Variants in FCHO2 observed in about 807,000 individuals in gnomAD.
FCHO2 encodes the protein F-BAR domain only protein 2.
Under a neutral mutation model 114.1 loss-of-function variants are expected in FCHO2, and 43 were observed. The observed-to-expected ratio is 0.38, with a 90% CI of 0.30 to 0.49. The LOEUF is 0.49. FCHO2 is among the 20% of genes least tolerant of loss of function. The pLI, the probability that FCHO2 is intolerant of heterozygous loss-of-function variation, is 0.97. For synonymous variants in FCHO2, 293 were observed against 315.2 expected (o/e 0.93, Z 0.75); for missense variants, 807 against 950.4 (o/e 0.85, Z 1.98).
At chr5:73,035,279 TGTG>T (rs1756442748) in intron 9 of FCHO2, among the ~76,000 whole-genome samples, 1 of 151,912 alleles carries the variant, frequency 6.6e-6, no homozygotes, top group Non-Finnish European at 1.5e-5. Flanking sequence ...AATTAGCAGG[TGTG>T]GTGGTGTGCA....
At chr5:73,065,101 A>G (rs1758002932) in intron 18 of FCHO2, among the ~76,000 whole-genome samples, 1 of 151,972 alleles carries the variant, frequency 6.6e-6, no homozygotes, top group Non-Finnish European at 1.5e-5. Flanking sequence ...TTCGGCACCA[A>G]GTATTGAAAT....
At chr5:73,040,141 A>T (rs564646375) in intron 10 of FCHO2, among the ~76,000 whole-genome samples, 1 of 152,252 alleles carries the variant, frequency 6.6e-6, no homozygotes, top group East Asian at 1.9e-4. Flanking sequence ...ATTTGGATAA[A>T]TGGCGTTTAT....
intron 17 of FCHO2, among the ~76,000 whole-genome samples, chr5:73,063,076 T>A (rs1757923243): frequency 6.6e-6 from 1 of 152,074 alleles, no homozygotes; most frequent in African/African-American, 2.4e-5. Context: ...ACTTCCATTT[T>A]TTTTACTCCT....
intron 8 of FCHO2, 166 bp from the exon 9 acceptor site, chr5:73,034,491 G>T: frequency 2.1e-6 from 1 of 483,960 alleles, no homozygotes; most frequent in Non-Finnish European, 3.6e-6. Context: ...AAAATTTATT[G>T]CTGATATTTT....
At position 72,956,061 on chromosome 5, in the gene FCHO2, G is replaced by A. The variant is rs1162254628; in HGVS notation, c.-36G>A. On this transcript the variant is annotated 5_prime_UTR_variant, in exon 1 of 26. Coordinates refer to ENST00000430046, the MANE Select transcript of FCHO2 (RefSeq NM_138782.3). The stretch of plus-strand genomic sequence containing the variant: ...GGGCCGTGTTTACACAGCGGCGGGC[G>A]GGCGCGGACGCGGAACCCGGCGCGG... The A allele has an allele frequency of 3.2e-6, 5 of 1,538,878 alleles. No individual in the cohort carries two copies. The highest frequency in any genetic ancestry group is 4.4e-6 in the Non-Finnish European group (5 of 1,141,874).
chr5:72,964,375 AC>A lies in FCHO2; in HGVS notation c.34-4122del, dbSNP rs376851133. ...TCAAATCGTTCTGACTGCCTATTCT[AC>A]ATACTTTATTTCATTTTTATTTATT... On this transcript the variant is annotated intron_variant, in intron 1 of 25. Transcript: ENST00000430046. Among the ~76,000 whole-genome samples the A allele has an allele frequency of 4.2e-3, 646 of 152,236 alleles. 5 individuals are homozygous for A. The highest frequency in any genetic ancestry group is 0.015 in the African/African-American group (624 of 41,546).
At chr5:73,042,955 G>T (rs568152642) in intron 11 of FCHO2, among the ~76,000 whole-genome samples, 433 of 152,254 alleles carry the variant, frequency 2.8e-3, no homozygotes, top group Non-Finnish European at 5.0e-3. Flanking sequence ...TGGAAACAAG[G>T]TCTCACTCTG....
chr5:72,999,616 CAGGTGATAT>C (rs1248824355), intron 5 of FCHO2, among the ~76,000 whole-genome samples: 1 of 151,828 alleles, frequency 6.6e-6, no homozygotes, highest in Non-Finnish European at 1.5e-5. Flanking sequence ...CTTCTGACCT[CAGGTGATAT>C]GCCCGTCTCA....
chr5:73,044,773 C>T (rs1450073994), intron 11 of FCHO2, among the ~76,000 whole-genome samples: 1 of 151,494 alleles, frequency 6.6e-6, no homozygotes, highest in Non-Finnish European at 1.5e-5. Context: ...GAGCTCCATT[C>T]TGGTATATAT....
chr5:73,058,619 A>G (rs1757711193), intron 17 of FCHO2, 95 bp downstream of exon 17: 1 of 498,962 alleles, frequency 2.0e-6, no homozygotes, highest in Non-Finnish European at 3.2e-6. Flanking sequence ...TTAATGATCA[A>G]AATTTCTAAA....
chr5:72,999,819 T>C (rs1170041357), intron 5 of FCHO2, among the ~76,000 whole-genome samples: 2 of 152,160 alleles, frequency 1.3e-5, no homozygotes, highest in Non-Finnish European at 2.9e-5. Flanking sequence ...ATGTTTTTGG[T>C]AGTATATTAA....
intron 16 of FCHO2, among the ~76,000 whole-genome samples, chr5:73,057,856 A>G (rs1757669054): frequency 6.6e-6 from 1 of 152,148 alleles, no homozygotes; most frequent in African/African-American, 2.4e-5. Context: ...GGTTGAATCT[A>G]ACAAGGCATG....
chr5:72,963,849 C>T (rs895045356), intron 1 of FCHO2, among the ~76,000 whole-genome samples: 1 of 150,454 alleles, frequency 6.6e-6, no homozygotes, highest in Admixed American at 6.6e-5. Context: ...CCACACCTGG[C>T]CAGATAGGCT....
At chr5:72,967,226 A>G (rs1752251311) in intron 1 of FCHO2, among the ~76,000 whole-genome samples, 1 of 152,212 alleles carries the variant, frequency 6.6e-6, no homozygotes, top group African/African-American at 2.4e-5. Context: ...GGGAGGTAGC[A>G]GTGAGCCATA....
chr5:72,990,371 A>T, intron 3 of FCHO2, 107 bp from the exon 4 acceptor site: 2 of 798,256 alleles, frequency 2.5e-6, no homozygotes, highest in Non-Finnish European at 3.8e-6. Flanking sequence ...CTTTTGCCTA[A>T]ATAAAGTTGC....
intron 19 of FCHO2, 24 bp downstream of exon 19, chr5:73,068,803 T>C: frequency 6.8e-6 from 11 of 1,608,730 alleles, no homozygotes; most frequent in Non-Finnish European, 9.3e-6. Context: ...ATCAATTACA[T>C]GTGAAATGTA....
intron 10 of FCHO2, among the ~76,000 whole-genome samples, chr5:73,039,395 C>CT (rs1048405631): frequency 1.3e-5 from 2 of 152,108 alleles, no homozygotes; most frequent in Non-Finnish European, 2.9e-5. Flanking sequence ...CTCTTTGGAA[C>CT]TTTAACACTT....
chr5:73,041,360 T>A, intron 11 of FCHO2, 45 bp downstream of exon 11: 1 of 1,233,476 alleles, frequency 8.1e-7, no homozygotes, highest in South Asian at 1.3e-5. Context: ...ATTAGTTATT[T>A]TCATTAGGAC....
At position 73,088,496 on chromosome 5, in the gene FCHO2, A is replaced by T. The variant is rs115320514; in HGVS notation, c.*406A>T. The T allele has an allele frequency of 3.0e-3, 533 of 180,352 alleles. 2 individuals carry two copies. The highest frequency in any genetic ancestry group is 0.027 in the Middle Eastern group (10 of 372). 11.2% of individuals were successfully genotyped at this position (180,352 alleles called of 1,614,324 possible). A position where few individuals can be genotyped will look rare whatever the true frequency, so the allele number is the denominator to read the frequency against. Reference sequence around the variant, plus strand: ...GAGTCAGAGATAACTTTGAAATTTCATAAGTTTGATATTCAGTGGATACAA... The same window carrying T: ...GAGTCAGAGATAACTTTGAAATTTCTTAAGTTTGATATTCAGTGGATACAA... On this transcript the variant is annotated 3_prime_UTR_variant, in exon 26 of 26. Coordinates refer to ENST00000430046, the MANE Select transcript of FCHO2 (RefSeq NM_138782.3).
Sources: gnomAD v4.1 joint callset for allele counts (sites outside exome capture counted in the v4.1 genomes callset) on GRCh38, gnomAD v4.1.1 for gene constraint, MANE v1.5 for transcripts, NCBI Gene and HGNC (gene_info 2026-07-23, HGNC 2026-07-21) for gene names.